ARL8B: variants seen among roughly 807,000 people sequenced by gnomAD.
ARL8B encodes ADP-ribosylation factor-like protein 8B.
ARL8B carries 9 observed loss-of-function variants against 30.6 expected under a neutral mutation model. That is an observed-to-expected ratio of 0.29 (90% CI 0.18 to 0.51). The LOEUF is 0.51. Among genes scored for constraint, ARL8B ranks in the 20% least tolerant of loss-of-function variants. The pLI is 0.97. For missense variants in ARL8B, 130 were observed against 227.2 expected (o/e 0.57, Z 2.75); for synonymous variants, 74 against 76.0 (o/e 0.97, Z 0.14).
intron 1 of ARL8B, among the ~76,000 whole-genome samples, chr3:5,136,375 A>C (rs910017893): frequency 2.6e-5 from 4 of 152,204 alleles, no homozygotes; most frequent in Non-Finnish European, 4.4e-5. Flanking sequence ...TCTGAAGTGT[A>C]CTGTTCCATA....
intron 1 of ARL8B, among the ~76,000 whole-genome samples, chr3:5,135,450 AATTATTACTATT>A (rs1302581669): frequency 2.0e-5 from 3 of 150,192 alleles, no homozygotes; most frequent in Admixed American, 6.6e-5. Context: ...TGGCTCACTT[AATTATTACTATT>A]ATTATTATTT....
intron 1 of ARL8B, among the ~76,000 whole-genome samples, chr3:5,123,737 C>G (rs1292304639): frequency 6.6e-6 from 1 of 152,106 alleles, no homozygotes; most frequent in Non-Finnish European, 1.5e-5. Context: ...ATTCTTAGTC[C>G]TTGCACTAAT....
At chr3:5,140,211 C>G (rs1268105094) in intron 1 of ARL8B, among the ~76,000 whole-genome samples, 1 of 152,114 alleles carries the variant, frequency 6.6e-6, no homozygotes, top group African/African-American at 2.4e-5. Context: ...CAAATCTCAT[C>G]TTGAATTGTA....
At chr3:5,166,114 G>T (rs1001387860) in intron 1 of ARL8B, among the ~76,000 whole-genome samples, 1 of 147,486 alleles carries the variant, frequency 6.8e-6, no homozygotes, top group African/African-American at 2.5e-5. Context: ...ATCTTGGCTC[G>T]CTGCAACCTC....
rs2054189408 is a variant in ARL8B, at chr3:5,122,376, G to A, written c.-90G>A. 1.3e-6 allele frequency: 2 copies of A among 1,586,200 alleles called. No homozygotes were observed. Among genetic ancestry groups the A allele is most frequent in the East Asian group, 2.3e-5 (1 of 43,192 alleles). On this transcript the variant is annotated 5_prime_UTR_variant, in exon 1 of 7. It introduces an in-frame stop codon into an upstream open reading frame of the 5' UTR. Transcript: ENST00000256496. ...CGCGCCGGGGCACCAAGGAGCCGTTGGAGGGTCCGGGCGGAGGCCCGCTCG... is the reference window on the plus strand; with the variant it reads ...CGCGCCGGGGCACCAAGGAGCCGTTAGAGGGTCCGGGCGGAGGCCCGCTCG...
intron 4 of ARL8B, among the ~76,000 whole-genome samples, chr3:5,173,462 C>T (rs2054695843): frequency 6.6e-6 from 1 of 152,114 alleles, no homozygotes; most frequent in Admixed American, 6.5e-5. Context: ...TGCCGCCGGG[C>T]GCGGTGGCTC....
chr3:5,179,597 T>A lies in ARL8B; in HGVS notation c.*884T>A, dbSNP rs1048480054. 6.5e-6 allele frequency: 1 copy of A among 152,688 alleles called. No homozygotes were observed. Among genetic ancestry groups the A allele is most frequent in the African/African-American group, 2.4e-5 (1 of 41,468 alleles). 9.5% of individuals were successfully genotyped at this position (152,688 alleles called of 1,614,324 possible). On this transcript the variant is annotated 3_prime_UTR_variant, in exon 7 of 7. Transcript: ENST00000256496. ...GAATGTCAGTCTTTGTTCAAACATC[T>A]GTTTGTTCTATCTCCAGTCATTAAA...
chr3:5,179,719 T>A lies in ARL8B; in HGVS notation c.*1006T>A, dbSNP rs1413253191. The A allele has an allele frequency of 6.6e-6, 1 of 152,654 alleles. No homozygotes were observed. Among genetic ancestry groups the A allele is most frequent in the Middle Eastern group, 3.4e-3 (1 of 294 alleles). The allele number at this position is 152,654 out of a possible 1,614,324, so 9.5% of individuals were successfully genotyped here. On this transcript the variant is annotated 3_prime_UTR_variant, in exon 7 of 7. Transcript: ENST00000256496. ...AAGATACTTATAAACAAATAAAAAA[T>A]TTTTATTTTTCTCTCTTACTGATGT...
intron 2 of ARL8B, among the ~76,000 whole-genome samples, chr3:5,171,600 G>T (rs972443312): frequency 9.9e-5 from 15 of 152,068 alleles, no homozygotes. Flanking sequence ...CACCCGCCTC[G>T]GCCTCCCAAA....
Position 5,179,254 on chromosome 3 carries a change from A to G in ARL8B, c.*541A>G, listed in dbSNP as rs1233125278. On this transcript the variant is annotated 3_prime_UTR_variant, in exon 7 of 7. Transcript: ENST00000256496. Reference sequence around the variant, plus strand: ...TATCTCACAAATGCATGTGAAATGTATAATTACATCTTAGGAATCCAAAAT... The same window carrying G: ...TATCTCACAAATGCATGTGAAATGTGTAATTACATCTTAGGAATCCAAAAT... 1 of 152,694 alleles carries G rather than the reference A, an allele frequency of 6.5e-6. No individual in the cohort carries two copies. Among genetic ancestry groups the G allele is most frequent in the Non-Finnish European group, 1.5e-5 (1 of 68,084 alleles). 9.5% of individuals were successfully genotyped at this position (152,694 alleles called of 1,614,324 possible).
intron 1 of ARL8B, among the ~76,000 whole-genome samples, chr3:5,134,916 C>T (rs576972015): frequency 1.3e-5 from 2 of 152,288 alleles, no homozygotes; most frequent in South Asian, 4.1e-4. Flanking sequence ...GGCATGATCT[C>T]AGCTCACTGC....
chr3:5,148,316 AAG>A (rs1209289365), intron 1 of ARL8B, among the ~76,000 whole-genome samples: 2 of 152,124 alleles, frequency 1.3e-5, no homozygotes, highest in African/African-American at 4.8e-5. Context: ...GAGCTTCCCT[AAG>A]AGGGAACATT....
chr3:5,143,854 C>A (rs1008680741), intron 1 of ARL8B, among the ~76,000 whole-genome samples: 2 of 152,198 alleles, frequency 1.3e-5, no homozygotes, highest in African/African-American at 4.8e-5. Flanking sequence ...GTAGGAAGAT[C>A]TGTAGCTCTG....
chr3:5,136,025 C>T (rs1217049916), intron 1 of ARL8B, among the ~76,000 whole-genome samples: 6 of 148,808 alleles, frequency 4.0e-5, no homozygotes, highest in Non-Finnish European at 7.4e-5. Context: ...TGAGCTCAGG[C>T]AGTCCACCCG....
At chr3:5,141,891 C>T (rs1023124016) in intron 1 of ARL8B, among the ~76,000 whole-genome samples, 1 of 152,124 alleles carries the variant, frequency 6.6e-6, no homozygotes, top group African/African-American at 2.4e-5. Flanking sequence ...TGTAGTTAAT[C>T]TAGTTCACAT....
intron 1 of ARL8B, among the ~76,000 whole-genome samples, chr3:5,163,162 T>G (rs1334844059): frequency 6.6e-6 from 1 of 152,030 alleles, no homozygotes; most frequent in African/African-American, 2.4e-5. Context: ...TAATTTTTTA[T>G]TTTTAGTAAA....
At chr3:5,139,982 G>GTT (rs1480195533) in intron 1 of ARL8B, among the ~76,000 whole-genome samples, 2 of 129,322 alleles carry the variant, frequency 1.5e-5, no homozygotes, top group Middle Eastern at 3.4e-3. Context: ...GATGTGATTA[G>GTT]TTTTGTTTTT....
At chr3:5,168,342 A>AT (rs1484406822) in intron 1 of ARL8B, among the ~76,000 whole-genome samples, 1 of 152,262 alleles carries the variant, frequency 6.6e-6, no homozygotes, top group East Asian at 1.9e-4. Context: ...AAGTGCTGGA[A>AT]TTACAAGCTT....
intron 6 of ARL8B, among the ~76,000 whole-genome samples, chr3:5,175,115 C>T (rs931814334): frequency 2.0e-5 from 3 of 151,982 alleles, no homozygotes; most frequent in Non-Finnish European, 2.9e-5. Context: ...AACTCTTGAA[C>T]AGCAAAAAAT....
Sources: allele counts gnomAD v4.1 joint callset (sites outside exome capture counted in the v4.1 genomes callset), GRCh38; gene constraint gnomAD v4.1.1; transcripts MANE v1.5; gene names NCBI Gene and HGNC (gene_info 2026-07-23, HGNC 2026-07-21).